The following TEX15 variants were observed in gnomAD, a reference collection of about 807,000 sequenced individuals.
TEX15 encodes testis expressed 15, meiosis and synapsis associated, also known as testis-expressed protein 15.
TEX15 carries 171 observed loss-of-function variants against 237.3 expected under a neutral mutation model. The ratio of observed to expected loss-of-function variants is 0.72; its 90% CI spans 0.64 to 0.82. The LOEUF (loss-of-function observed/expected upper bound fraction) is 0.82. Ranked by LOEUF, TEX15 falls within the 40% of genes least tolerant of loss-of-function variation. The pLI is 0.00. For synonymous variants in TEX15, 1,338 were observed against 1,269.8 expected (o/e 1.05, Z -1.14); for missense variants, 3,750 against 3,646.5 (o/e 1.03, Z -0.73).
chr8:30,898,560 A>C (rs1217617599), intron 2 of TEX15, among the ~76,000 whole-genome samples, 182 bp downstream of exon 2: 1 of 152,192 alleles, frequency 6.6e-6, no homozygotes, highest in Non-Finnish European at 1.5e-5. Flanking sequence ...GACAGTACCC[A>C]ATAACTATTA....
intron 10 of TEX15, among the ~76,000 whole-genome samples, chr8:30,835,076 C>G (rs192415585): frequency 7.0e-4 from 106 of 152,122 alleles, no homozygotes; most frequent in African/African-American, 2.5e-3. Context: ...CGAGACCACC[C>G]TAGGCAACAC....
chr8:30,865,186 A>G (rs1254149142), intron 5 of TEX15, among the ~76,000 whole-genome samples: 2 of 152,150 alleles, frequency 1.3e-5, no homozygotes, highest in Admixed American at 6.5e-5. Context: ...GACTAGTATG[A>G]TAACTATACA....
intron 2 of TEX15, among the ~76,000 whole-genome samples, chr8:30,895,496 TAAAG>T (rs1161323284): frequency 6.6e-6 from 1 of 151,694 alleles, no homozygotes; most frequent in South Asian, 2.1e-4. Flanking sequence ...TTATTGGACT[TAAAG>T]AATGTTGCTG....
chr8:30,876,079 G>C (rs1167852648), intron 3 of TEX15, among the ~76,000 whole-genome samples: 1 of 152,122 alleles, frequency 6.6e-6, no homozygotes, highest in Admixed American at 6.6e-5. Context: ...GCCTCCCAAA[G>C]TGCTGGGATT....
chr8:30,893,755 T>C (rs1808840639), intron 2 of TEX15, among the ~76,000 whole-genome samples: 1 of 152,218 alleles, frequency 6.6e-6, no homozygotes, highest in African/African-American at 2.4e-5. Context: ...ATCATCTTTG[T>C]CTCTTATGTC....
At chr8:30,877,267 G>T (rs947794417) in intron 3 of TEX15, among the ~76,000 whole-genome samples, 1 of 151,956 alleles carries the variant, frequency 6.6e-6, no homozygotes, top group Admixed American at 6.6e-5. Context: ...TAACAAGTTC[G>T]GACAAAAAAG....
intron 7 of TEX15, among the ~76,000 whole-genome samples, chr8:30,853,084 A>T (rs930057779): frequency 6.6e-6 from 1 of 152,172 alleles, no homozygotes; most frequent in African/African-American, 2.4e-5. Flanking sequence ...GTTTTCTCTA[A>T]AGTTAATCAC....
chr8:30,860,770 G>A (rs1173949517), intron 5 of TEX15, among the ~76,000 whole-genome samples: 2 of 151,676 alleles, frequency 1.3e-5, no homozygotes, highest in Non-Finnish European at 2.9e-5. Flanking sequence ...GGCTGGGCTC[G>A]AATTCCTGAC....
At chr8:30,899,375 T>C (rs1336848676) in intron 1 of TEX15, among the ~76,000 whole-genome samples, 2 of 152,088 alleles carry the variant, frequency 1.3e-5, no homozygotes, top group African/African-American at 2.4e-5. Flanking sequence ...AACTGGTAAG[T>C]TGGTTTTCAA....
chr8:30,892,732 T>C (rs1393070278), intron 2 of TEX15, among the ~76,000 whole-genome samples: 1 of 152,186 alleles, frequency 6.6e-6, no homozygotes, highest in Non-Finnish European at 1.5e-5. Context: ...TATTCACTAC[T>C]ATGTTTAAAA....
chr8:30,903,649 AT>A (rs1005106255), intron 1 of TEX15, among the ~76,000 whole-genome samples: 1 of 152,248 alleles, frequency 6.6e-6, no homozygotes, highest in Non-Finnish European at 1.5e-5. Context: ...GATTACCTGG[AT>A]TACCTATCCT....
At chr8:30,889,968 T>TATATAC (rs1808764439) in intron 2 of TEX15, among the ~76,000 whole-genome samples, 1 of 143,912 alleles carries the variant, frequency 6.9e-6, no homozygotes, top group Admixed American at 7.0e-5. Flanking sequence ...TATATATATA[T>TATATAC]GTATAAGTAA....
At position 30,843,888 on chromosome 8, in the gene TEX15, T is replaced by G. The variant is rs201878557; in HGVS notation, c.6279A>C (p.Leu2093Phe). The change falls in exon 8 of 11, where the codon TTA becomes TTC. Residue 2093 changes from leucine to phenylalanine, a missense_variant. Coordinates refer to ENST00000643185, the MANE Select transcript of TEX15 (RefSeq NM_001350162.2). The part of the protein sequence containing the change: ...IQFIENKKRH[L>F]EGEPTLRSLL... ...AGCTTCGCAATGTTGGTTCACCTTC[T>G]AAGTGCCTTTTTTTGTTTTCAATGA... 956 of 1,613,030 alleles carry G rather than the reference T, an allele frequency of 5.9e-4. 3 individuals are homozygous for G. Among genetic ancestry groups the G allele is most frequent in the Non-Finnish European group, 1.3e-4 (151 of 1,179,610 alleles).
intron 5 of TEX15, among the ~76,000 whole-genome samples, chr8:30,866,655 T>C (rs1315962533): frequency 6.6e-6 from 1 of 152,006 alleles, no homozygotes; most frequent in Non-Finnish European, 1.5e-5. Context: ...TATGATACTT[T>C]CATAATACAC....
At chr8:30,839,572 TTTC>T (rs1040715608) in intron 9 of TEX15, among the ~76,000 whole-genome samples, 1 of 152,180 alleles carries the variant, frequency 6.6e-6, no homozygotes, top group Non-Finnish European at 1.5e-5. Context: ...TAAATTTTTC[TTTC>T]TTATTCTGTG....
chr8:30,882,339 T>G (rs182538069), intron 3 of TEX15, among the ~76,000 whole-genome samples: 1 of 152,206 alleles, frequency 6.6e-6, no homozygotes, highest in African/African-American at 2.4e-5. Context: ...CAGGCTGGAG[T>G]GTAGTGGCGC....
intron 4 of TEX15, among the ~76,000 whole-genome samples, chr8:30,872,804 T>C (rs776109816): frequency 6.6e-6 from 1 of 152,178 alleles, no homozygotes; most frequent in Non-Finnish European, 1.5e-5. Context: ...AAATATTTTG[T>C]ACAGTTGCAC....
intron 7 of TEX15, among the ~76,000 whole-genome samples, chr8:30,858,400 C>G (rs1807959665): frequency 1.3e-5 from 2 of 151,974 alleles, no homozygotes; most frequent in Admixed American, 1.3e-4. Context: ...CAACCTCCAC[C>G]TCCTGGGTTC....
In TEX15 at chr8:30,846,837, G is replaced by A. The variant is rs372490853; in HGVS notation, c.3330C>T (p.Asn1110=). The A allele has an allele frequency of 5.0e-6, 8 of 1,613,606 alleles. No homozygotes were observed. The highest frequency in any genetic ancestry group is 3.3e-5 in the Admixed American group (2 of 59,976). The part of the protein sequence containing the change: ...ISWEGLLALD[N]GEMEVLESTT... ...TGCTTTCCAAAACTTCCATCTCCCC[G>A]TTATCAAGTGCTAACAGACCTTCCC... Residue 1110 remains asparagine (N), a synonymous_variant, in exon 8 of 11, where the codon AAC becomes AAT. Coordinates refer to ENST00000643185, the MANE Select transcript of TEX15 (RefSeq NM_001350162.2).
Sources: allele counts gnomAD v4.1 joint callset (sites outside exome capture counted in the v4.1 genomes callset), GRCh38; gene constraint gnomAD v4.1.1; transcripts MANE v1.5; gene names NCBI Gene and HGNC (gene_info 2026-07-23, HGNC 2026-07-21).